Variants in ANKRD12 observed in about 807,000 individuals in gnomAD.
ANKRD12 encodes the protein ankyrin repeat domain 12.
A neutral mutation model predicts 183.4 loss-of-function variants in ANKRD12; 85 were observed. That is an observed-to-expected ratio of 0.46 (90% CI 0.39 to 0.56). The LOEUF is 0.56. ANKRD12 is among the 20% of genes least tolerant of loss of function. The probability of loss-of-function intolerance (pLI) is 0.00; values close to 1 mark genes in which losing one functional copy is unlikely to be tolerated. For synonymous variants in ANKRD12, 914 were observed against 800.2 expected (o/e 1.14, Z -2.40); for missense variants, 2,405 against 2,357.1 (o/e 1.02, Z -0.42).
intron 7 of ANKRD12, among the ~76,000 whole-genome samples, chr18:9,220,946 G>A (rs2036387993): frequency 6.6e-6 from 1 of 152,108 alleles, no homozygotes; most frequent in South Asian, 2.1e-4. Context: ...AGAGTGAAGG[G>A]CCAATAAGTA....
At chr18:9,239,481 T>C (rs1421234414) in intron 8 of ANKRD12, 1 of 1,279,288 alleles carries the variant, frequency 7.8e-7, no homozygotes, top group Non-Finnish European at 1.0e-6. Flanking sequence ...TTTCAGAATA[T>C]TTATTTTCCA....
At chr18:9,147,309 A>G (rs1193765324) in intron 1 of ANKRD12, among the ~76,000 whole-genome samples, 1 of 152,184 alleles carries the variant, frequency 6.6e-6, no homozygotes, top group Non-Finnish European at 1.5e-5. Flanking sequence ...TAAAAGTGAG[A>G]TAGGGCACTT....
At position 9,257,487 on chromosome 18, in the gene ANKRD12, C is replaced by T. The variant is rs774448028; in HGVS notation, c.4220C>T (p.Pro1407Leu). 1.2e-5 allele frequency: 19 copies of T among 1,613,968 alleles called. No individual in the cohort carries two copies. The Admixed American group carries it at 3.0e-4, about 25-fold the overall frequency. The change falls in exon 9 of 13, where the codon CCA becomes CTA. Residue 1407 changes from proline (P) to leucine (L), a missense_variant. Physicochemically the swap from Pro to Leu is moderately conservative, Grantham distance 98. Coordinates refer to ENST00000262126, the MANE Select transcript of ANKRD12 (RefSeq NM_015208.5). Reference protein sequence around the residue: ...TVMDSPVHLEPSSQVGVIQNK... With the variant: ...TVMDSPVHLELSSQVGVIQNK... Reference sequence around the variant, plus strand: ...ATGGACAGTCCAGTGCATTTAGAGCCATCTAGTCAGGTTGGTGTGATCCAG... The same window carrying T: ...ATGGACAGTCCAGTGCATTTAGAGCTATCTAGTCAGGTTGGTGTGATCCAG...
chr18:9,216,860 ACACTC>A lies in ANKRD12; in HGVS notation c.763_767del (p.Leu255Ter). 1.2e-6 allele frequency: 2 copies of A among 1,613,644 alleles called. No homozygotes were observed. The highest frequency in any genetic ancestry group is 1.7e-6 in the Non-Finnish European group (2 of 1,179,714). The stretch of plus-strand genomic sequence containing the variant: ...GTTAACACACAAGGATTAGATGATG[ACACTC>A]CACTCCATGATTCTGCTAGTAGTGG... On this transcript the variant is annotated frameshift_variant, in exon 7 of 13. Transcript: ENST00000262126. LOFTEE classifies it high-confidence loss of function.
chr18:9,262,036 T>TG (rs1210287341), intron 9 of ANKRD12, among the ~76,000 whole-genome samples: 2 of 152,212 alleles, frequency 1.3e-5, no homozygotes, highest in African/African-American at 4.8e-5. Flanking sequence ...GCCTGAGAAA[T>TG]GGTCAGTTCC....
At chr18:9,275,845 C>CT (rs2039807666) in intron 11 of ANKRD12, among the ~76,000 whole-genome samples, 178 bp downstream of exon 11, 1 of 152,192 alleles carries the variant, frequency 6.6e-6, no homozygotes, top group Admixed American at 6.5e-5. Flanking sequence ...TTTTCTAAAG[C>CT]ACTGTAAACA....
intron 8 of ANKRD12, chr18:9,235,493 C>T (rs899848729): frequency 4.0e-6 from 1 of 251,936 alleles, no homozygotes; most frequent in African/African-American, 2.2e-5. Context: ...GTTAATATAT[C>T]TCTAAGCATT....
chr18:9,204,244 C>T (rs930881517), intron 3 of ANKRD12, among the ~76,000 whole-genome samples: 3 of 152,150 alleles, frequency 2.0e-5, no homozygotes, highest in Non-Finnish European at 4.4e-5. Context: ...GTTATTGAAA[C>T]TGCATGGTTG....
Position 9,211,568 on chromosome 18 carries a change from T to G in ANKRD12, c.452-16T>G, listed in dbSNP as rs764580080. The G allele has an allele frequency of 1.2e-6, 2 of 1,610,558 alleles. No homozygotes were observed. The highest frequency in any genetic ancestry group is 1.7e-6 in the Non-Finnish European group (2 of 1,177,670). ...ATTTAGCCTAGAACTTCTGCTAACT[T>G]TCTTCTTTCTTACAGATTCCACACC... On this transcript the variant is annotated splice_polypyrimidine_tract_variant and intron_variant, in intron 5 of 12. Coordinates refer to ENST00000262126, the MANE Select transcript of ANKRD12 (RefSeq NM_015208.5).
At position 9,208,655 on chromosome 18, in the gene ANKRD12, A is replaced by G; in HGVS notation, c.305-2A>G. 1.3e-6 allele frequency: 2 copies of G among 1,594,638 alleles called. No individual in the cohort carries two copies. Among genetic ancestry groups the G allele is most frequent in the Non-Finnish European group, 1.7e-6 (2 of 1,173,742 alleles). ...TTCTTACATATTTGTTAATAATTCC[A>G]GAGAAAGAAGGTCCAGAAAAGAAGA... On this transcript the variant is annotated splice_acceptor_variant, in intron 4 of 12. Transcript: ENST00000262126. LOFTEE classifies it high-confidence loss of function.
intron 1 of ANKRD12, among the ~76,000 whole-genome samples, chr18:9,161,458 C>T (rs1415935040): frequency 6.6e-6 from 1 of 151,554 alleles, no homozygotes; most frequent in East Asian, 2.0e-4. Flanking sequence ...TCACTGCAAG[C>T]TCCGCCTCCC....
intron 2 of ANKRD12, among the ~76,000 whole-genome samples, chr18:9,186,698 A>C (rs910636969): frequency 6.6e-6 from 1 of 150,636 alleles, no homozygotes; most frequent in Non-Finnish European, 1.5e-5. Context: ...AGGGGGTAGA[A>C]GGCATGACCA....
At chr18:9,216,561 A>G (rs1023846806) in intron 6 of ANKRD12, among the ~76,000 whole-genome samples, 197 bp from the exon 7 acceptor site, 1 of 152,202 alleles carries the variant, frequency 6.6e-6, no homozygotes, top group Admixed American at 6.5e-5. Context: ...TCAAGGGTCA[A>G]CTGTAATATT....
rs564266284 is a variant in ANKRD12 at position 9,165,032 on chromosome 18, A to G, written c.-51-17350A>G. On this transcript the variant is annotated intron_variant, in intron 1 of 12. Coordinates refer to ENST00000262126, the MANE Select transcript of ANKRD12 (RefSeq NM_015208.5). ...TCCCACTATTATTATGTGTGAGTCT[A>G]AGTCTCTTTGTAGGTCTTTAAGAAC... Among the ~76,000 whole-genome samples the G allele has an allele frequency of 3.3e-5, 5 of 152,294 alleles. No homozygotes were observed. The South Asian group carries it at 1.0e-3, about 32-fold the overall frequency.
intron 1 of ANKRD12, among the ~76,000 whole-genome samples, chr18:9,155,446 T>G (rs993691692): frequency 1.3e-5 from 2 of 152,248 alleles, no homozygotes; most frequent in Non-Finnish European, 2.9e-5. Context: ...TATATTATCT[T>G]TACATATTTG....
At chr18:9,205,550 C>A (rs1282326442) in intron 4 of ANKRD12, among the ~76,000 whole-genome samples, 1 of 151,900 alleles carries the variant, frequency 6.6e-6, no homozygotes. Flanking sequence ...GGGGGTGGGG[C>A]ATATTTACAG....
In ANKRD12 at chr18:9,137,333, G is replaced by A. The variant is rs1027951179; in HGVS notation, c.-52+368G>A. On this transcript the variant is annotated intron_variant, in intron 1 of 12. Transcript: ENST00000262126. The stretch of plus-strand genomic sequence containing the variant: ...GCGGGGGCCGGGCGGAGGGCCGCGA[G>A]CTGGCCTCGTCGCGGGCGCCCCTCA... 4.6e-3 allele frequency among the ~76,000 whole-genome samples: 675 copies of A among 146,658 alleles called. 5 individuals carry two copies. Among genetic ancestry groups the A allele is most frequent in the African/African-American group, 0.016 (644 of 41,018 alleles).
At chr18:9,239,297 G>T (rs1342375725) in intron 8 of ANKRD12, among the ~76,000 whole-genome samples, 1 of 152,168 alleles carries the variant, frequency 6.6e-6, no homozygotes, top group African/African-American at 2.4e-5. Flanking sequence ...ATGAAAAGCA[G>T]CTTTGTTATA....
At chr18:9,259,851 CAAG>C (rs1401616921) in intron 9 of ANKRD12, 1 of 151,984 alleles carries the variant, frequency 6.6e-6, no homozygotes, top group African/African-American at 2.4e-5. Context: ...ATCTGTAAAA[CAAG>C]AATAAATGTC....
Sources: gnomAD v4.1 joint callset for allele counts (sites outside exome capture counted in the v4.1 genomes callset) on GRCh38, gnomAD v4.1.1 for gene constraint, MANE v1.5 for transcripts, NCBI Gene and HGNC (gene_info 2026-07-23, HGNC 2026-07-21) for gene names.